PLEKHM3: variants seen among roughly 807,000 people sequenced by gnomAD.
The protein encoded by PLEKHM3 is pleckstrin homology domain containing M3, also known as pleckstrin homology domain-containing family M member 3.
Under a neutral mutation model 81.8 loss-of-function variants are expected in PLEKHM3, and 45 were observed. That is an observed-to-expected ratio of 0.55 (90% confidence interval 0.43 to 0.71). The LOEUF is 0.71. PLEKHM3 is among the 30% of genes least tolerant of loss of function. The pLI is 0.00. For missense variants in PLEKHM3, 788 were observed against 924.3 expected (o/e 0.85, Z 1.91); for synonymous variants, 352 against 356.4 (o/e 0.99, Z 0.14).
At chr2:208,019,014 C>T (rs1347019394) in intron 1 of PLEKHM3, among the ~76,000 whole-genome samples, 2 of 151,684 alleles carry the variant, frequency 1.3e-5, no homozygotes, top group East Asian at 3.9e-4. Flanking sequence ...TTTATAGAAA[C>T]TGGGACCAGG....
At chr2:207,971,939 GAA>G (rs1197863142) in intron 3 of PLEKHM3, among the ~76,000 whole-genome samples, 1 of 152,192 alleles carries the variant, frequency 6.6e-6, no homozygotes, top group Non-Finnish European at 1.5e-5. Flanking sequence ...AAAAATGACT[GAA>G]AAATCTGCAA....
chr2:207,923,592 A>G (rs1293240906), intron 5 of PLEKHM3, among the ~76,000 whole-genome samples: 1 of 152,056 alleles, frequency 6.6e-6, no homozygotes, highest in Non-Finnish European at 1.5e-5. Context: ...GGGTGACAAG[A>G]GCGAAACTCT....
At chr2:207,926,552 G>A (rs934191628) in intron 5 of PLEKHM3, among the ~76,000 whole-genome samples, 5 of 152,198 alleles carry the variant, frequency 3.3e-5, no homozygotes, top group African/African-American at 1.2e-4. Flanking sequence ...ATTTTCCACA[G>A]AGTTCTTCAT....
At chr2:207,914,079 G>A (rs6739096) in intron 5 of PLEKHM3, among the ~76,000 whole-genome samples, 38,349 of 152,134 alleles carry the variant, frequency 0.25, 5,767 homozygotes, top group Middle Eastern at 0.37. Context: ...TCAACAGGGC[G>A]CAGTGGCTCA....
At chr2:207,883,100 T>C (rs763097206) in intron 6 of PLEKHM3, among the ~76,000 whole-genome samples, 22 of 152,186 alleles carry the variant, frequency 1.4e-4, no homozygotes, top group Non-Finnish European at 2.5e-4. Flanking sequence ...TTACCATTGG[T>C]TGACAAGGCT....
chr2:207,860,125 A>G (rs1006934947), intron 7 of PLEKHM3, among the ~76,000 whole-genome samples: 1 of 144,724 alleles, frequency 6.9e-6, no homozygotes, highest in African/African-American at 2.6e-5. Flanking sequence ...GTACCTGCTC[A>G]GGAAACTGGA....
rs560319233 is a variant in PLEKHM3, at chr2:207,849,282, C to T, written c.2108+11823G>A. ...CCGGGAGGTGGAGGTTGCAGTGAGC[C>T]GAGATCCTGCCACTGCACTCCAGCC... On this transcript the variant is annotated intron_variant, in intron 7 of 7. Transcript: ENST00000427836. 1.7e-3 allele frequency among the ~76,000 whole-genome samples: 262 copies of T among 151,614 alleles called. 3 individuals carry two copies. Among genetic ancestry groups the T allele is most frequent in the Non-Finnish European group, 4.4e-4 (30 of 67,910 alleles).
intron 5 of PLEKHM3, among the ~76,000 whole-genome samples, chr2:207,909,763 T>G (rs1359325926): frequency 1.3e-5 from 2 of 152,196 alleles, no homozygotes; most frequent in Non-Finnish European, 1.5e-5. Flanking sequence ...ACAAAAACTC[T>G]CTTGGTGATT....
intron 2 of PLEKHM3, among the ~76,000 whole-genome samples, chr2:207,986,676 G>GC (rs1553563712): frequency 3.5e-4 from 51 of 144,586 alleles, no homozygotes; most frequent in Admixed American, 2.2e-3. Flanking sequence ...AAATTTTTTT[G>GC]TTTTTTTTTT....
intron 3 of PLEKHM3, among the ~76,000 whole-genome samples, chr2:207,953,241 A>G (rs989068407): frequency 6.6e-6 from 1 of 152,230 alleles, no homozygotes; most frequent in Non-Finnish European, 1.5e-5. Flanking sequence ...TATTTTCTCC[A>G]TAAGCCTTTA....
chr2:207,949,130 G>T (rs564972940), intron 3 of PLEKHM3, among the ~76,000 whole-genome samples: 1 of 152,154 alleles, frequency 6.6e-6, no homozygotes, highest in Non-Finnish European at 1.5e-5. Context: ...TTAATTTTCC[G>T]TAGTGATTCC....
In PLEKHM3 at chr2:207,993,223, T is replaced by C. The variant is rs116497612; in HGVS notation, c.610+7807A>G. 5.3e-5 allele frequency among the ~76,000 whole-genome samples: 8 copies of C among 152,302 alleles called. No individual in the cohort carries two copies. The South Asian group carries it at 6.2e-4, about 12-fold the overall frequency. On this transcript the variant is annotated intron_variant, in intron 2 of 7. Coordinates refer to ENST00000427836, the MANE Select transcript of PLEKHM3 (RefSeq NM_001080475.3). Reference sequence around the variant, plus strand: ...GAATGTGGGCTGTCAATGAGGCATATTGGGTTTCCAAATAGCTGCCACAGG... The same window carrying C: ...GAATGTGGGCTGTCAATGAGGCATACTGGGTTTCCAAATAGCTGCCACAGG...
At chr2:207,998,367 C>A (rs1183845877) in intron 2 of PLEKHM3, among the ~76,000 whole-genome samples, 3 of 152,180 alleles carry the variant, frequency 2.0e-5, no homozygotes, top group Middle Eastern at 3.4e-3. Flanking sequence ...AAAAAATTAG[C>A]CAGGCATGGT....
At chr2:208,015,881 T>G (rs567866512) in intron 1 of PLEKHM3, among the ~76,000 whole-genome samples, 1 of 152,372 alleles carries the variant, frequency 6.6e-6, no homozygotes, top group African/African-American at 2.4e-5. Context: ...AAACATATTT[T>G]GATGATTAAG....
chr2:207,931,027 T>C lies in PLEKHM3; in HGVS notation c.1785A>G (p.Ala595=). The C allele has an allele frequency of 4.3e-6, 7 of 1,614,082 alleles. No homozygotes were observed. The highest frequency in any genetic ancestry group is 1.6e-4 in the Middle Eastern group (1 of 6,062). Residue 595 remains alanine, a synonymous_variant, in exon 5 of 8, where the codon GCA becomes GCG. Transcript: ENST00000427836. ...QQENAMLYHH[A]EPLAAVLRLR... ...GCCGCAGCACGGCGGCCAGCGGCTC[T>C]GCGTGGTGGTACAGCATGGCGTTCT...
chr2:207,988,557 C>A (rs1691798404), intron 2 of PLEKHM3, among the ~76,000 whole-genome samples: 1 of 152,174 alleles, frequency 6.6e-6, no homozygotes, highest in African/African-American at 2.4e-5. Context: ...ACCCTTCCAC[C>A]TCTACTCTGT....
chr2:207,834,379 C>G (rs1222452570), intron 7 of PLEKHM3, among the ~76,000 whole-genome samples: 1 of 151,738 alleles, frequency 6.6e-6, no homozygotes, highest in African/African-American at 2.4e-5. Context: ...ATCCGCCCAC[C>G]TCGGCCTCCC....
At chr2:207,918,350 G>A (rs149477537) in intron 5 of PLEKHM3, among the ~76,000 whole-genome samples, 5,652 of 152,140 alleles carry the variant, frequency 0.037, 336 homozygotes, top group African/African-American at 0.13. Context: ...GTGAAACCCC[G>A]TCTCTACTAA....
In PLEKHM3 at chr2:207,977,264, C is replaced by T. The variant is rs758393566; in HGVS notation, c.933G>A (p.Val311=). 1 of 1,614,152 alleles carries T rather than the reference C, an allele frequency of 6.2e-7. No homozygotes were observed. Among genetic ancestry groups the T allele is most frequent in the Non-Finnish European group, 8.5e-7 (1 of 1,180,010 alleles). ...CATTCTGCCGCCCCATGTAACCGGG[C>T]ACAGCAGCATGCACTACTTCCCAAA... is the stretch of plus-strand genomic sequence containing the variant. ...QKLWEVVHAA[V]PGYMGRQNEL... Residue 311 remains valine (V), a synonymous_variant, in exon 3 of 8, where the codon GTG becomes GTA. Transcript: ENST00000427836.
Sources: allele counts gnomAD v4.1 joint callset (sites outside exome capture counted in the v4.1 genomes callset), GRCh38; gene constraint gnomAD v4.1.1; transcripts MANE v1.5; gene names NCBI Gene and HGNC (gene_info 2026-07-23, HGNC 2026-07-21).